NME7: variants seen among roughly 807,000 people sequenced by gnomAD.
NME7 encodes NME/NM23 family member 7, also known as nucleoside diphosphate kinase 7.
In NME7, 41 loss-of-function variants were observed where a neutral mutation model predicts 49.1. The ratio of observed to expected loss-of-function variants is 0.83; its 90% CI spans 0.65 to 1.08. NME7 has a LOEUF of 1.08. Among genes scored for constraint, NME7 ranks in the 50% least tolerant of loss-of-function variants. The pLI is 0.00. For synonymous variants in NME7, 139 were observed against 150.6 expected (o/e 0.92, Z 0.56); for missense variants, 423 against 463.4 (o/e 0.91, Z 0.80).
chr1:169,235,372 A>T (rs1466416803), intron 8 of NME7, among the ~76,000 whole-genome samples, 173 bp from the exon 9 acceptor site: 1 of 152,080 alleles, frequency 6.6e-6, no homozygotes, highest in Admixed American at 6.6e-5. Flanking sequence ...ATCAAGAATA[A>T]TAATGGATAA....
intron 10 of NME7, among the ~76,000 whole-genome samples, chr1:169,170,639 G>A (rs896702243): frequency 1.3e-5 from 2 of 152,056 alleles, no homozygotes; most frequent in African/African-American, 2.4e-5. Flanking sequence ...ACTCAGCTGC[G>A]CGTGGTGGCC....
intron 1 of NME7, among the ~76,000 whole-genome samples, chr1:169,352,315 G>C (rs553053856): frequency 1.3e-5 from 2 of 152,132 alleles, no homozygotes; most frequent in East Asian, 3.9e-4. Context: ...TCAACAGAAT[G>C]TAGAACAGAA....
At chr1:169,151,648 G>A (rs1231261874) in intron 11 of NME7, among the ~76,000 whole-genome samples, 2 of 152,228 alleles carry the variant, frequency 1.3e-5, no homozygotes, top group Non-Finnish European at 2.9e-5. Flanking sequence ...GACTGCCAGA[G>A]TGGGTGCCAC....
At chr1:169,307,938 T>C (rs943046835) in intron 4 of NME7, among the ~76,000 whole-genome samples, 1 of 150,688 alleles carries the variant, frequency 6.6e-6, no homozygotes, top group Non-Finnish European at 1.5e-5. Flanking sequence ...GAGAATTGCT[T>C]GAACCTGGGA....
intron 1 of NME7, among the ~76,000 whole-genome samples, chr1:169,343,205 A>G (rs971362384): frequency 2.0e-5 from 3 of 151,296 alleles, no homozygotes; most frequent in African/African-American, 4.9e-5. Flanking sequence ...AGAGATATAT[A>G]TATTTCTATA....
In NME7 at chr1:169,132,621, C is replaced by G; in HGVS notation, c.*164G>C. On this transcript the variant is annotated 3_prime_UTR_variant, in exon 12 of 12. Transcript: ENST00000367811. ...TTAAATGTTGTCTACAGTGCAAAAT[C>G]CATGTTCTAACATATGTAATAATTG... The G allele has an allele frequency of 1.7e-6, 1 of 598,758 alleles. No individual in the cohort carries two copies. The highest frequency in any genetic ancestry group is 3.0e-5 in the East Asian group (1 of 33,590). The allele number at this position is 598,758 out of a possible 1,614,324, so 37.1% of individuals were successfully genotyped here. A position where few individuals can be genotyped will look rare whatever the true frequency, so the allele number is the denominator to read the frequency against.
chr1:169,168,534 C>T (rs1659480571), intron 11 of NME7, among the ~76,000 whole-genome samples: 1 of 152,168 alleles, frequency 6.6e-6, no homozygotes, highest in African/African-American at 2.4e-5. Flanking sequence ...TGGCTTCAAG[C>T]AATCCTCCCA....
At chr1:169,345,419 G>A (rs929448217) in intron 1 of NME7, among the ~76,000 whole-genome samples, 2 of 141,116 alleles carry the variant, frequency 1.4e-5, no homozygotes, top group African/African-American at 5.1e-5. Context: ...AGTAGAGATG[G>A]GGGGGTCTCA....
intron 10 of NME7, among the ~76,000 whole-genome samples, chr1:169,209,686 T>G (rs536759491): frequency 6.6e-6 from 1 of 152,152 alleles, no homozygotes; most frequent in Non-Finnish European, 1.5e-5. Flanking sequence ...AAATTTTCCA[T>G]GGAGCTTCCT....
chr1:169,137,350 G>A (rs535330154), intron 11 of NME7, among the ~76,000 whole-genome samples: 26 of 152,256 alleles, frequency 1.7e-4, no homozygotes, highest in Non-Finnish European at 2.9e-4. Flanking sequence ...AGCCAAGGGC[G>A]TCTACTGTAG....
chr1:169,195,521 CT>C (rs933811287), intron 10 of NME7, among the ~76,000 whole-genome samples: 3 of 152,242 alleles, frequency 2.0e-5, no homozygotes, highest in Admixed American at 6.5e-5. Context: ...TCAAAAGATA[CT>C]TTTTTAAAAA....
intron 1 of NME7, among the ~76,000 whole-genome samples, chr1:169,354,939 T>G (rs1653333684): frequency 2.0e-5 from 2 of 100,072 alleles, no homozygotes; most frequent in African/African-American, 3.8e-5. Flanking sequence ...ATCTATTATG[T>G]ATTATATATT....
At chr1:169,206,344 G>A (rs971830023) in intron 10 of NME7, among the ~76,000 whole-genome samples, 4 of 152,146 alleles carry the variant, frequency 2.6e-5, no homozygotes, top group Non-Finnish European at 4.4e-5. Context: ...GGAAGTTGGA[G>A]CTGATGTTGA....
chr1:169,329,125 T>C (rs1292574125), intron 1 of NME7, among the ~76,000 whole-genome samples: 4 of 151,900 alleles, frequency 2.6e-5, no homozygotes, highest in Non-Finnish European at 4.4e-5. Context: ...CTGCTATAGG[T>C]TTCAAAATCA....
At chr1:169,179,479 A>C (rs1659863779) in intron 10 of NME7, among the ~76,000 whole-genome samples, 1 of 152,232 alleles carries the variant, frequency 6.6e-6, no homozygotes, top group African/African-American at 2.4e-5. Context: ...AAGGAATATA[A>C]ACTGTTCTAT....
intron 11 of NME7, among the ~76,000 whole-genome samples, chr1:169,161,832 T>C (rs545102567): frequency 6.6e-5 from 10 of 152,366 alleles, no homozygotes; most frequent in African/African-American, 2.2e-4. Context: ...TGCTAAAATG[T>C]AGACCTAGGT....
At chr1:169,251,682 G>A (rs1648624735) in intron 7 of NME7, among the ~76,000 whole-genome samples, 1 of 145,560 alleles carries the variant, frequency 6.9e-6, no homozygotes, top group African/African-American at 2.5e-5. Context: ...CTAGCATTAG[G>A]TATATCTCCC....
intron 10 of NME7, among the ~76,000 whole-genome samples, chr1:169,205,905 C>T (rs866324656): frequency 2.0e-5 from 3 of 152,254 alleles, no homozygotes; most frequent in Admixed American, 6.5e-5. Context: ...TCTGGCCACA[C>T]TGTCCTCCTG....
intron 6 of NME7, among the ~76,000 whole-genome samples, chr1:169,291,646 T>TATAATAATAATA (rs36042457): frequency 6.3e-4 from 94 of 149,482 alleles, no homozygotes; most frequent in African/African-American, 2.2e-3. Flanking sequence ...GAACTTAAAG[T>TATAATAATAATA]ATAATAATAA....
Sources: gnomAD v4.1 joint callset for allele counts (sites outside exome capture counted in the v4.1 genomes callset) on GRCh38, gnomAD v4.1.1 for gene constraint, MANE v1.5 for transcripts, NCBI Gene and HGNC (gene_info 2026-07-23, HGNC 2026-07-21) for gene names.